CTNND2: variants seen among roughly 807,000 people sequenced by gnomAD.
The protein encoded by CTNND2 is catenin delta-2.
Under a neutral mutation model 144.4 loss-of-function variants are expected in CTNND2, and 22 were observed. That is an observed-to-expected ratio of 0.15 (90% confidence interval 0.11 to 0.22). The LOEUF is 0.22. Ranked by LOEUF, CTNND2 falls within the 10% of genes least tolerant of loss-of-function variation. The pLI, the probability that CTNND2 is intolerant of heterozygous loss-of-function variation, is 1.00. For missense variants in CTNND2, 1,353 were observed against 1,618.8 expected (o/e 0.84, Z 2.82); for synonymous variants, 751 against 695.6 (o/e 1.08, Z -1.25).
At chr5:11,470,108 C>A (rs1286279088) in intron 3 of CTNND2, among the ~76,000 whole-genome samples, 2 of 152,050 alleles carry the variant, frequency 1.3e-5, no homozygotes, top group African/African-American at 4.8e-5. Context: ...TAAAACACAC[C>A]CTATTATCAG....
intron 12 of CTNND2, among the ~76,000 whole-genome samples, chr5:11,121,632 A>G (rs1469901464): frequency 2.6e-5 from 4 of 152,210 alleles, no homozygotes; most frequent in Non-Finnish European, 5.9e-5. Context: ...TTTTATTTTA[A>G]TGCAACTAAA....
chr5:11,396,332 C>T (rs1038076317), intron 6 of CTNND2, among the ~76,000 whole-genome samples: 1 of 151,896 alleles, frequency 6.6e-6, no homozygotes, highest in Admixed American at 6.6e-5. Flanking sequence ...TATTAGCATC[C>T]CTTCTCTCCT....
intron 3 of CTNND2, among the ~76,000 whole-genome samples, chr5:11,494,215 T>C (rs1769721287): frequency 6.6e-6 from 1 of 152,170 alleles, no homozygotes; most frequent in African/African-American, 2.4e-5. Flanking sequence ...GCTAATAGAT[T>C]AAGTGAACTT....
chr5:11,267,846 G>T (rs926219844), intron 9 of CTNND2, among the ~76,000 whole-genome samples: 3 of 152,164 alleles, frequency 2.0e-5, no homozygotes, highest in South Asian at 2.1e-4. Flanking sequence ...GAGGCATTTT[G>T]CCTCCTCTGA....
At chr5:11,193,123 G>A in intron 11 of CTNND2, among the ~76,000 whole-genome samples, 1 of 152,104 alleles carries the variant, frequency 6.6e-6, no homozygotes. Flanking sequence ...AAAGGACCCA[G>A]GCCCCATAGA....
At chr5:11,854,269 C>T (rs978767199) in intron 1 of CTNND2, among the ~76,000 whole-genome samples, 1 of 152,310 alleles carries the variant, frequency 6.6e-6, no homozygotes, top group Non-Finnish European at 1.5e-5. Context: ...AGTTCAACTG[C>T]ATTACTTTTG....
intron 1 of CTNND2, among the ~76,000 whole-genome samples, chr5:11,755,580 T>A (rs1321301758): frequency 1.3e-5 from 2 of 151,644 alleles, no homozygotes; most frequent in Non-Finnish European, 3.0e-5. Flanking sequence ...GGGACACCGA[T>A]GAGTCATACA....
At chr5:11,159,995 G>A (rs1402548757) in intron 11 of CTNND2, among the ~76,000 whole-genome samples, 1 of 152,176 alleles carries the variant, frequency 6.6e-6, no homozygotes, top group Non-Finnish European at 1.5e-5. Flanking sequence ...TTTCCTCAGG[G>A]AGCATAATCA....
intron 3 of CTNND2, among the ~76,000 whole-genome samples, chr5:11,497,923 T>C (rs911919352): frequency 1.2e-4 from 19 of 152,106 alleles, no homozygotes; most frequent in African/African-American, 4.6e-4. Context: ...GGATGTGACA[T>C]GAGGCATCAG....
intron 12 of CTNND2, among the ~76,000 whole-genome samples, chr5:11,142,645 G>A (rs914586933): frequency 2.4e-4 from 33 of 138,774 alleles, no homozygotes; most frequent in African/African-American, 6.8e-4. Context: ...GCAGAGTTTC[G>A]CTCTGTCACC....
At chr5:11,902,573 G>C (rs541878950) in intron 1 of CTNND2, among the ~76,000 whole-genome samples, 35 of 152,192 alleles carry the variant, frequency 2.3e-4, no homozygotes, top group African/African-American at 8.4e-4. Context: ...TGTTTTCATG[G>C]AAGTCACTGC....
intron 3 of CTNND2, among the ~76,000 whole-genome samples, chr5:11,544,156 A>G (rs1196846228): frequency 6.6e-6 from 1 of 152,114 alleles, no homozygotes; most frequent in African/African-American, 2.4e-5. Context: ...GAGTTCTTCC[A>G]TTATTCCAAG....
intron 21 of CTNND2, among the ~76,000 whole-genome samples, chr5:10,978,211 C>T (rs1327053661): frequency 2.0e-5 from 3 of 152,176 alleles, no homozygotes; most frequent in African/African-American, 7.2e-5. Context: ...AAGCTCCCAA[C>T]ATGAAAGCAT....
At chr5:11,001,192 G>A (rs1036862389) in intron 18 of CTNND2, among the ~76,000 whole-genome samples, 8 of 152,100 alleles carry the variant, frequency 5.3e-5, no homozygotes, top group African/African-American at 1.4e-4. Context: ...ACATAGCAGG[G>A]CACCTTGTCT....
At chr5:11,667,153 G>T (rs1783612647) in intron 2 of CTNND2, among the ~76,000 whole-genome samples, 1 of 151,920 alleles carries the variant, frequency 6.6e-6, no homozygotes, top group South Asian at 2.1e-4. Flanking sequence ...CATTTTCTTT[G>T]TCCAGTCTAT....
intron 15 of CTNND2, among the ~76,000 whole-genome samples, chr5:11,094,144 C>A (rs571361143): frequency 6.6e-6 from 1 of 152,244 alleles, no homozygotes; most frequent in South Asian, 2.1e-4. Context: ...GAGAACTATC[C>A]CATTATCTAG....
chr5:11,203,094 C>A (rs1474043639), intron 10 of CTNND2, among the ~76,000 whole-genome samples: 1 of 151,924 alleles, frequency 6.6e-6, no homozygotes, highest in Non-Finnish European at 1.5e-5. Flanking sequence ...CATGAGCCAC[C>A]GCACCTGGCC....
At chr5:11,280,755 T>A (rs1403585023) in intron 9 of CTNND2, among the ~76,000 whole-genome samples, 2 of 152,150 alleles carry the variant, frequency 1.3e-5, no homozygotes, top group African/African-American at 4.8e-5. Context: ...CCTGAGCACT[T>A]TCAGTTTTGT....
chr5:11,634,870 C>A (rs1048447054), intron 2 of CTNND2, among the ~76,000 whole-genome samples: 1 of 151,864 alleles, frequency 6.6e-6, no homozygotes, highest in African/African-American at 2.4e-5. Flanking sequence ...GTGAATAAGT[C>A]AAGTAGCTTC....
Sources: allele counts gnomAD v4.1 joint callset (sites outside exome capture counted in the v4.1 genomes callset), GRCh38; gene constraint gnomAD v4.1.1; transcripts MANE v1.5; gene names NCBI Gene and HGNC (gene_info 2026-07-23, HGNC 2026-07-21).